BAMBI: variants seen among roughly 807,000 people sequenced by gnomAD.
BAMBI encodes BMP and activin membrane-bound inhibitor homolog.
BAMBI carries 21 observed loss-of-function variants against 24.1 expected under a neutral mutation model. The ratio of observed to expected loss-of-function variants is 0.87; its 90% CI spans 0.62 to 1.26. BAMBI has a LOEUF of 1.26. Among genes scored for constraint, BAMBI ranks in the 50% most tolerant of loss-of-function variants. The pLI is 0.00. For synonymous variants in BAMBI, 156 were observed against 123.1 expected, an observed-to-expected ratio of 1.27 and a Z score of -1.77; for missense variants, 388 against 329.1, an observed-to-expected ratio of 1.18 and a Z score of -1.38.
Position 28,681,520 on chromosome 10 carries a change from C to T in BAMBI, c.339C>T (p.Leu113=), listed in dbSNP as rs1834497257. 6.2e-7 allele frequency: 1 copy of T among 1,614,146 alleles called. No individual in the cohort carries two copies. The highest frequency in any genetic ancestry group is 1.3e-5 in the African/African-American group (1 of 75,074). The change falls in exon 2 of 3, where the codon CTC becomes CTT. Residue 113 remains leucine, a synonymous_variant. Coordinates refer to ENST00000375533, the MANE Select transcript of BAMBI (RefSeq NM_012342.3). ...ATTACAGAGGGCTGCACGATGTTCT[C>T]TCTCCTCCCAGGGGTGAGGCCTCAG... The part of the protein sequence containing the change: ...MCNYRGLHDV[L]SPPRGEASGQ...
In BAMBI at chr10:28,677,937, C is replaced by T. The variant is rs771937789; in HGVS notation, c.40C>T (p.Leu14=). The T allele has an allele frequency of 1.8e-5, 28 of 1,534,990 alleles. No individual in the cohort carries two copies. Among genetic ancestry groups the T allele is most frequent in the South Asian group, 2.4e-5 (2 of 83,246 alleles). Residue 14 remains leucine (L), a synonymous_variant, in exon 1 of 3, where the codon CTG becomes TTG. Transcript: ENST00000375533. ...CAGCTACATCTTCATCTGGCTGCAG[C>T]TGGAGCTCTGCGCCATGGCCGTGCT... is the stretch of plus-strand genomic sequence containing the variant. ...HSSYIFIWLQ[L]ELCAMAVLLT... is the part of the protein sequence containing the mutation.
At chr10:28,681,857 T>C in intron 2 of BAMBI, 126 bp from the exon 3 acceptor site, 1 of 1,042,584 alleles carries the variant, frequency 9.6e-7, no homozygotes. Flanking sequence ...CAATGTTTTC[T>C]AAATATCGTT....
chr10:28,677,864 G>C lies in BAMBI; in HGVS notation c.-34G>C. 2 of 1,481,554 alleles carry C rather than the reference G, an allele frequency of 1.3e-6. No homozygotes were observed. Among genetic ancestry groups the C allele is most frequent in the African/African-American group, 2.9e-5 (2 of 68,622 alleles). 91.8% of individuals were successfully genotyped at this position (1,481,554 alleles called of 1,614,324 possible). ...CTGCCGCCGAGCCGGGGCTCCGGAAGCCGGCGGGGGCGCCGCGGCCGTGCG... is the reference window on the plus strand; with the variant it reads ...CTGCCGCCGAGCCGGGGCTCCGGAACCCGGCGGGGGCGCCGCGGCCGTGCG... On this transcript the variant is annotated 5_prime_UTR_variant, in exon 1 of 3. Transcript: ENST00000375533.
chr10:28,678,701 C>T (rs1175511883), intron 1 of BAMBI, among the ~76,000 whole-genome samples: 1 of 151,736 alleles, frequency 6.6e-6, no homozygotes, highest in Non-Finnish European at 1.5e-5. Flanking sequence ...GTGGGTCTCC[C>T]TGAGAGTTTA....
Position 28,682,303 on chromosome 10 carries a change from T to C in BAMBI, c.685T>C (p.Cys229Arg), listed in dbSNP as rs766000717. The change falls in exon 3 of 3, where the codon TGT becomes CGT. Residue 229 changes from cysteine to arginine, a missense_variant. Coordinates refer to ENST00000375533, the MANE Select transcript of BAMBI (RefSeq NM_012342.3). ...TGGGCACGAGAACTGCTGTCTGACC[T>C]GTGATAAAATGAGACAAGCAGACCT... ...VSGHENCCLT[C>R]DKMRQADLSN... 1.1e-5 allele frequency: 17 copies of C among 1,614,004 alleles called. No individual in the cohort carries two copies. Among genetic ancestry groups the C allele is most frequent in the Non-Finnish European group, 1.4e-5 (16 of 1,180,028 alleles).
At position 28,682,410 on chromosome 10, in the gene BAMBI, TATCTG is replaced by T. The variant is rs1236544044; in HGVS notation, c.*11_*15del. On this transcript the variant is annotated 3_prime_UTR_variant, in exon 3 of 3. Coordinates refer to ENST00000375533, the MANE Select transcript of BAMBI (RefSeq NM_012342.3). ...AGCTGGAATTCGTATGACGGAGTCT[TATCTG>T]AACTACACTTACTGAACAGCTTGAA... 6.2e-7 allele frequency: 1 copy of T among 1,605,234 alleles called. No individual in the cohort carries two copies. Among genetic ancestry groups the T allele is most frequent in the African/African-American group, 1.3e-5 (1 of 74,790 alleles).
chr10:28,681,595 G>C (rs1475237284), intron 2 of BAMBI, 50 bp downstream of exon 2: 1 of 1,578,938 alleles, frequency 6.3e-7, no homozygotes, highest in Non-Finnish European at 8.6e-7. Flanking sequence ...CTATAGACTT[G>C]TGACAGCCAC....
In BAMBI at chr10:28,681,438, GA is replaced by G. The variant is rs1834496132; in HGVS notation, c.260del (p.Asn87ThrfsTer56). 6.2e-7 allele frequency: 1 copy of G among 1,613,984 alleles called. No homozygotes were observed. The highest frequency in any genetic ancestry group is 8.5e-7 in the Non-Finnish European group (1 of 1,180,022). On this transcript the variant is annotated frameshift_variant, in exon 2 of 3. Transcript: ENST00000375533. LOFTEE classifies it high-confidence loss of function. The part of the protein sequence containing the change: ...TTDICQAKQA[R>X]NHSGTTIPTL... ...GACATCTGCCAAGCCAAACAGGCCC[GA>G]AACCACTCTGGCACCACCATACCCA...
At chr10:28,678,137 C>T (rs975331084) in intron 1 of BAMBI, among the ~76,000 whole-genome samples, 164 bp downstream of exon 1, 2 of 152,220 alleles carry the variant, frequency 1.3e-5, no homozygotes, top group African/African-American at 4.8e-5. Context: ...TGGCCTGGCG[C>T]GTGGATGCGG....
rs781324031 is a variant in BAMBI, at chr10:28,681,258, G to A, written c.77G>A (p.Gly26Asp). ...LCAMAVLLTK[G>D]EIRCYCDAAH... is the part of the protein sequence containing the mutation. ...TGAGGTGGTTTCTCATTGTTTTCAGGTGAAATTCGATGCTACTGTGATGCT... is the reference window on the plus strand; with the variant it reads ...TGAGGTGGTTTCTCATTGTTTTCAGATGAAATTCGATGCTACTGTGATGCT... Residue 26 changes from glycine (G) to aspartate (D), a missense_variant and splice_region_variant, in exon 2 of 3, where the codon GGT becomes GAT. Physicochemically the swap from Gly to Asp is moderately conservative, Grantham distance 94. Coordinates refer to ENST00000375533, the MANE Select transcript of BAMBI (RefSeq NM_012342.3). 10 of 1,608,894 alleles carry A rather than the reference G, an allele frequency of 6.2e-6. No individual in the cohort carries two copies. Among genetic ancestry groups the A allele is most frequent in the South Asian group, 2.2e-5 (2 of 91,056 alleles).
intron 2 of BAMBI, 134 bp downstream of exon 2, chr10:28,681,679 C>A: frequency 1.0e-6 from 1 of 975,308 alleles, no homozygotes; most frequent in Non-Finnish European, 1.5e-6. Flanking sequence ...TGGCTGGATG[C>A]AAAGATGCAT....
At chr10:28,679,979 A>AC (rs1245900633) in intron 1 of BAMBI, among the ~76,000 whole-genome samples, 1 of 152,168 alleles carries the variant, frequency 6.6e-6, no homozygotes, top group African/African-American at 2.4e-5. Context: ...TTTCCTTAGA[A>AC]CCGAAGCATT....
In BAMBI at chr10:28,677,772, C is replaced by A; in HGVS notation, c.-126C>A. 3.8e-6 allele frequency: 2 copies of A among 531,190 alleles called. No homozygotes were observed. The highest frequency in any genetic ancestry group is 6.5e-4 in the Middle Eastern group (1 of 1,528). 32.9% of individuals were successfully genotyped at this position (531,190 alleles called of 1,614,324 possible). On this transcript the variant is annotated 5_prime_UTR_variant, in exon 1 of 3. Transcript: ENST00000375533. Reference sequence around the variant, plus strand: ...GCTCCGGCAGCGGCCCGAAACCCAGCCCCGCCGCTGACGGCGCCCGCCGCT... The same window carrying A: ...GCTCCGGCAGCGGCCCGAAACCCAGACCCGCCGCTGACGGCGCCCGCCGCT...
chr10:28,681,534 G>GT lies in BAMBI; in HGVS notation c.354dup (p.Glu119Ter). The GT allele has an allele frequency of 6.2e-7, 1 of 1,613,628 alleles. No individual in the cohort carries two copies. On this transcript the variant is annotated frameshift_variant, in exon 2 of 3. Transcript: ENST00000375533. LOFTEE classifies it high-confidence loss of function. ...CACGATGTTCTCTCTCCTCCCAGGGGTGAGGCCTCAGGTAGGTGGAAGCCG... is the reference window on the plus strand; with the variant it reads ...CACGATGTTCTCTCTCCTCCCAGGGGTTGAGGCCTCAGGTAGGTGGAAGCCG...
intron 2 of BAMBI, 109 bp downstream of exon 2, chr10:28,681,654 C>A: frequency 8.1e-7 from 1 of 1,237,214 alleles, no homozygotes; most frequent in Non-Finnish European, 1.1e-6. Context: ...ATTAGAGACA[C>A]CAGAGGGAGA....
chr10:28,679,348 T>C (rs542576082), intron 1 of BAMBI, among the ~76,000 whole-genome samples: 24 of 152,340 alleles, frequency 1.6e-4, no homozygotes, highest in Admixed American at 7.8e-4. Flanking sequence ...CATTTTTGTT[T>C]AATCACTACA....
Position 28,682,147 on chromosome 10 carries a change from C to T in BAMBI, c.529C>T (p.Arg177Ter). ...TATTATGTTGGCCCTGAGGATGCTT[C>T]GAAGTGAAAATAAGAGGCTGCAGGA... The part of the protein sequence containing the change: ...LLIMLALRML[R>*]SENKRLQDQR... Residue 177 changes from arginine (R) to a stop codon, truncating the protein, a stop_gained, in exon 3 of 3, where the codon CGA becomes TGA. Transcript: ENST00000375533. LOFTEE classifies it high-confidence loss of function. The T allele has an allele frequency of 1.9e-6, 3 of 1,614,082 alleles. No individual in the cohort carries two copies. The highest frequency in any genetic ancestry group is 2.2e-5 in the East Asian group (1 of 44,878).
Position 28,681,487 on chromosome 10 carries a change from C to T in BAMBI, c.306C>T (p.Asp102=), listed in dbSNP as rs530891247. ...TIPTLECCHE[D]MCNYRGLHDV... is the part of the protein sequence containing the mutation. ...CCACATTGGAATGCTGTCATGAAGA[C>T]ATGTGCAATTACAGAGGGCTGCACG... Residue 102 remains aspartate, a synonymous_variant, in exon 2 of 3, where the codon GAC becomes GAT. Coordinates refer to ENST00000375533, the MANE Select transcript of BAMBI (RefSeq NM_012342.3). The T allele has an allele frequency of 6.8e-6, 11 of 1,614,186 alleles. No individual in the cohort carries two copies. The African/African-American group carries it at 1.3e-4, about 20-fold the overall frequency.
chr10:28,679,750 G>A (rs1303758972), intron 1 of BAMBI, among the ~76,000 whole-genome samples: 1 of 152,164 alleles, frequency 6.6e-6, no homozygotes, highest in Non-Finnish European at 1.5e-5. Flanking sequence ...TGTCAAACTA[G>A]GGATATGTAG....
Sources: allele counts gnomAD v4.1 joint callset (sites outside exome capture counted in the v4.1 genomes callset), GRCh38; gene constraint gnomAD v4.1.1; transcripts MANE v1.5; gene names NCBI Gene and HGNC (gene_info 2026-07-23, HGNC 2026-07-21).